PTPRN2: variants seen among roughly 807,000 people sequenced by gnomAD.
PTPRN2 encodes protein tyrosine phosphatase receptor type N2.
A neutral mutation model predicts 118.8 loss-of-function variants in PTPRN2; 74 were observed. That is an observed-to-expected ratio of 0.62 (90% confidence interval 0.52 to 0.76). The LOEUF (loss-of-function observed/expected upper bound fraction) is 0.76. PTPRN2 is among the 30% of genes least tolerant of loss of function. The pLI is 0.00. For missense variants in PTPRN2, 1,481 were observed against 1,394.4 expected (o/e 1.06, Z -0.99); for synonymous variants, 641 against 608.0 (o/e 1.05, Z -0.80).
At chr7:157,917,909 G>A (rs545684830) in intron 11 of PTPRN2, among the ~76,000 whole-genome samples, 44 of 152,164 alleles carry the variant, frequency 2.9e-4, no homozygotes, top group Non-Finnish European at 4.9e-4. Context: ...CCCATTTCAC[G>A]ATGTAATTGG....
intron 2 of PTPRN2, among the ~76,000 whole-genome samples, chr7:158,440,817 A>G (rs200474661): frequency 0.017 from 500 of 28,798 alleles, 4 homozygotes; most frequent in Middle Eastern, 0.033. Flanking sequence ...TGGTGGTAGT[A>G]GTAGTGGTGG....
At chr7:157,689,103 G>A (rs922841769) in intron 12 of PTPRN2, among the ~76,000 whole-genome samples, 2 of 152,220 alleles carry the variant, frequency 1.3e-5, no homozygotes, top group African/African-American at 4.8e-5. Flanking sequence ...AGCCGCCACC[G>A]CCGCCGTCTT....
At chr7:158,017,510 G>A (rs527335172) in intron 11 of PTPRN2, among the ~76,000 whole-genome samples, 8 of 152,278 alleles carry the variant, frequency 5.3e-5, no homozygotes, top group Admixed American at 3.3e-4. Context: ...TCTGAAATGG[G>A]GTGTGGCTAC....
chr7:157,626,499 C>T (rs943555809), intron 14 of PTPRN2, among the ~76,000 whole-genome samples: 2 of 152,182 alleles, frequency 1.3e-5, no homozygotes, highest in African/African-American at 4.8e-5. Context: ...CCGGTCAGGA[C>T]ATGCCCATTA....
At chr7:158,197,617 TAA>T (rs1286432821) in intron 4 of PTPRN2, among the ~76,000 whole-genome samples, 13 of 152,216 alleles carry the variant, frequency 8.5e-5, no homozygotes, top group Non-Finnish European at 1.8e-4. Flanking sequence ...GGGTAATTTA[TAA>T]AGGAGAGGTT....
chr7:158,396,215 G>A (rs998108241), intron 2 of PTPRN2, among the ~76,000 whole-genome samples: 3 of 152,196 alleles, frequency 2.0e-5, no homozygotes, highest in Admixed American at 6.5e-5. Context: ...TTTTCTCACC[G>A]TCATTGTCAA....
intron 2 of PTPRN2, among the ~76,000 whole-genome samples, chr7:158,365,971 C>G (rs916094054): frequency 2.7e-5 from 4 of 150,420 alleles, no homozygotes; most frequent in African/African-American, 9.8e-5. Flanking sequence ...CACACATGCA[C>G]ACACACCCAC....
chr7:158,186,342 G>A (rs1273047910), intron 5 of PTPRN2, among the ~76,000 whole-genome samples: 2 of 152,094 alleles, frequency 1.3e-5, no homozygotes, highest in Non-Finnish European at 2.9e-5. Flanking sequence ...TGTTGGGGTG[G>A]GAGGGGGATA....
intron 12 of PTPRN2, among the ~76,000 whole-genome samples, chr7:157,769,882 CTT>C (rs2151023401): frequency 6.6e-6 from 1 of 152,358 alleles, no homozygotes; most frequent in Non-Finnish European, 1.5e-5. Flanking sequence ...CCTTTGCACA[CTT>C]TATTCTTCCC....
chr7:158,085,930 T>TGACGCCCATCCACATACAC (rs1410811581), intron 10 of PTPRN2, among the ~76,000 whole-genome samples: 2 of 128,784 alleles, frequency 1.6e-5, no homozygotes, highest in East Asian at 5.0e-4. Context: ...TCCACACCCA[T>TGACGCCCATCCACATACAC]GACGCCCATC....
intron 2 of PTPRN2, among the ~76,000 whole-genome samples, chr7:158,327,333 GTGCTCACACA>G (rs1419405201): frequency 1.1e-4 from 15 of 142,282 alleles, no homozygotes; most frequent in East Asian, 4.3e-4. Flanking sequence ...ATGCACACAC[GTGCTCACACA>G]TGCTCACACA....
rs57347259 is a variant in PTPRN2, at chr7:158,344,692, C to T, written c.164-27760G>A. 3.5e-3 allele frequency among the ~76,000 whole-genome samples: 531 copies of T among 152,068 alleles called. 2 individuals are homozygous for T. Among genetic ancestry groups the T allele is most frequent in the African/African-American group, 0.012 (500 of 41,480 alleles). On this transcript the variant is annotated intron_variant, in intron 2 of 22. Coordinates refer to ENST00000389418, the MANE Select transcript of PTPRN2 (RefSeq NM_002847.5). Reference sequence around the variant, plus strand: ...GTGAGGCTGTGTTGCTGGAGGTGGTCGCTCTCCCCAAGCTCAGTCCTGACA... The same window carrying T: ...GTGAGGCTGTGTTGCTGGAGGTGGTTGCTCTCCCCAAGCTCAGTCCTGACA...
rs191814896 is a variant in PTPRN2 at position 158,132,416 on chromosome 7, C to T, written c.1556+1261G>A. Among the ~76,000 whole-genome samples the T allele has an allele frequency of 1.6e-3, 238 of 151,210 alleles. 1 individual carries two copies. The highest frequency in any genetic ancestry group is 5.2e-3 in the African/African-American group (214 of 41,112). On this transcript the variant is annotated intron_variant, in intron 9 of 22. Transcript: ENST00000389418. ...AAGCACAAACCAATACACATCTACC[C>T]GACACACACTCATACACACATACAT...
At chr7:157,544,580 A>AGTGAGGAGGGCG (rs1798186898) in intron 22 of PTPRN2, among the ~76,000 whole-genome samples, 1 of 152,042 alleles carries the variant, frequency 6.6e-6, no homozygotes, top group African/African-American at 2.4e-5. Context: ...TGAGGAGGGC[A>AGTGAGGAGGGCG]TGGGGCTTCT....
At position 158,225,036 on chromosome 7, in the gene PTPRN2, A is replaced by G. The variant is rs1258469941; in HGVS notation, c.278-19763T>C. ...TGAGATGCCACCACACACCTATCAG[A>G]AAGGCTAAAATAAAAAATAGGGACA... On this transcript the variant is annotated intron_variant, in intron 3 of 22. Transcript: ENST00000389418. Among the ~76,000 whole-genome samples, 3 of 152,170 alleles carry G rather than the reference A, an allele frequency of 2.0e-5. No homozygotes were observed. The East Asian group carries it at 5.8e-4, about 29-fold the overall frequency.
At chr7:157,644,181 G>A (rs1245985065) in intron 14 of PTPRN2, among the ~76,000 whole-genome samples, 1 of 152,230 alleles carries the variant, frequency 6.6e-6, no homozygotes, top group Admixed American at 6.5e-5. Flanking sequence ...GGCCACTGGG[G>A]TTGGCCCCAG....
At chr7:157,633,801 G>A (rs774121605) in intron 14 of PTPRN2, among the ~76,000 whole-genome samples, 2 of 152,232 alleles carry the variant, frequency 1.3e-5, no homozygotes, top group South Asian at 2.1e-4. Flanking sequence ...AACGGTGTCC[G>A]GCAGACCAGG....
intron 1 of PTPRN2, among the ~76,000 whole-genome samples, chr7:158,543,668 C>G (rs978459821): frequency 6.6e-6 from 1 of 152,184 alleles, no homozygotes; most frequent in Non-Finnish European, 1.5e-5. Flanking sequence ...ATGTGTGAGG[C>G]CTCGTTGAAC....
intron 11 of PTPRN2, among the ~76,000 whole-genome samples, chr7:157,950,236 T>C (rs975934736): frequency 2.0e-5 from 3 of 152,184 alleles, no homozygotes; most frequent in Admixed American, 1.3e-4. Context: ...AAGGGTCCAA[T>C]TGTCTCACCT....
Sources: allele counts gnomAD v4.1 joint callset (sites outside exome capture counted in the v4.1 genomes callset), GRCh38; gene constraint gnomAD v4.1.1; transcripts MANE v1.5; gene names NCBI Gene and HGNC (gene_info 2026-07-23, HGNC 2026-07-21).